Variants in C11orf65 observed in about 807,000 individuals in gnomAD.
C11orf65 encodes chromosome 11 open reading frame 65.
Under a neutral mutation model 35.3 loss-of-function variants are expected in C11orf65, and 38 were observed. The ratio of observed to expected loss-of-function variants is 1.08; its 90% CI spans 0.83 to 1.41. The LOEUF (loss-of-function observed/expected upper bound fraction) is 1.41, where lower values mean the gene tolerates loss of function less well. Among genes scored for constraint, C11orf65 ranks in the 40% most tolerant of loss-of-function variants. C11orf65 has a pLI of 0.00. For missense variants in C11orf65, 370 were observed against 367.1 expected (o/e 1.01, Z -0.06); for synonymous variants, 105 against 114.4 (o/e 0.92, Z 0.53).
At chr11:108,459,216 C>A (rs2093442163) in intron 2 of C11orf65, among the ~76,000 whole-genome samples, 1 of 152,118 alleles carries the variant, frequency 6.6e-6, no homozygotes, top group Non-Finnish European at 1.5e-5. Context: ...AACTAGCTTT[C>A]TCAGATAGTT....
At chr11:108,347,583 C>T (rs1224022649) in intron 2 of C11orf65, among the ~76,000 whole-genome samples, 2 of 152,104 alleles carry the variant, frequency 1.3e-5, no homozygotes, top group African/African-American at 4.8e-5. Context: ...GTCTTTTGAG[C>T]CTGGTCTTCA....
At chr11:108,449,052 A>G (rs1252402614) in intron 2 of C11orf65, among the ~76,000 whole-genome samples, 1 of 152,192 alleles carries the variant, frequency 6.6e-6, no homozygotes, top group Non-Finnish European at 1.5e-5. Context: ...AAAGAGAATA[A>G]AATACCTGGG....
rs56172540 is a variant in C11orf65, at chr11:108,353,744, T to G, written c.227-18452A>C. ...TAAATTAGCTGTCAAACCTCCTAACTTCACTGTATTCTTTACTTTAGGTGT... is the reference window on the plus strand; with the variant it reads ...TAAATTAGCTGTCAAACCTCCTAACGTCACTGTATTCTTTACTTTAGGTGT... On this transcript the variant is annotated intron_variant, in intron 2 of 3. Coordinates refer to the C11orf65 transcript ENST00000524755. 2.8e-5 allele frequency: 44 copies of G among 1,563,302 alleles called. 1 individual carries two copies. Among genetic ancestry groups the G allele is most frequent in the East Asian group, 2.7e-4 (12 of 44,620 alleles).
At chr11:108,379,193 C>A (rs2091807983), downstream of C11orf65, among the ~76,000 whole-genome samples, 1 of 152,080 alleles carries the variant, frequency 6.6e-6, no homozygotes, top group African/African-American at 2.4e-5. Context: ...TTTATTGCCG[C>A]ACTATTCACA....
chr11:108,364,787 A>G (rs2091159192), intron 2 of C11orf65, among the ~76,000 whole-genome samples: 1 of 152,198 alleles, frequency 6.6e-6, no homozygotes, highest in Non-Finnish European at 1.5e-5. Flanking sequence ...GTAGAGAGAG[A>G]AGGAAAGAAA....
intron 2 of C11orf65, among the ~76,000 whole-genome samples, chr11:108,370,616 TGTTTTG>T (rs2091540241): frequency 1.3e-5 from 2 of 150,330 alleles, no homozygotes; most frequent in South Asian, 2.1e-4. Context: ...TGCAGGGTTT[TGTTTTG>T]TTTTTTTTTA....
At chr11:108,346,332 A>G (rs1419654464) in intron 2 of C11orf65, among the ~76,000 whole-genome samples, 1 of 152,042 alleles carries the variant, frequency 6.6e-6, no homozygotes, top group Non-Finnish European at 1.5e-5. Flanking sequence ...TTTTAATAGA[A>G]TTTTGTTTTC....
At chr11:108,312,518 T>A in intron 6 of C11orf65, 3 of 1,474,088 alleles carry the variant, frequency 2.0e-6, no homozygotes, top group Non-Finnish European at 2.8e-6. Flanking sequence ...AGAGGCTCTA[T>A]TATTTATGAC....
chr11:108,378,037 G>A (rs868585303), downstream of C11orf65, among the ~76,000 whole-genome samples: 936 of 150,348 alleles, frequency 6.2e-3, 9 homozygotes, highest in African/African-American at 0.02. Context: ...AATCAATATC[G>A]TGAAAATGGC....
At chr11:108,364,965 C>A (rs2091178014) in intron 2 of C11orf65, 3 of 1,156,030 alleles carry the variant, frequency 2.6e-6, no homozygotes, top group Admixed American at 2.0e-5. Flanking sequence ...ATGTTTGTTC[C>A]CCTCCCCCAT....
chr11:108,448,875 C>T lies in C11orf65; in HGVS notation c.81+12604G>A, dbSNP rs192509209. Among the ~76,000 whole-genome samples the T allele has an allele frequency of 1.1e-4, 17 of 152,244 alleles. No homozygotes were observed. The East Asian group carries it at 1.9e-3, about 17-fold the overall frequency. On this transcript the variant is annotated intron_variant, in intron 2 of 8. Coordinates refer to ENST00000393084, the MANE Select transcript of C11orf65 (RefSeq NM_152587.5). ...GTTTGCAGACGACATGATTGTATAT[C>T]TAGAAAACCCCATCATTTCAGCCCA...
At chr11:108,333,224 G>C (rs2086472779) in intron 3 of C11orf65, among the ~76,000 whole-genome samples, 1 of 152,034 alleles carries the variant, frequency 6.6e-6, no homozygotes, top group African/African-American at 2.4e-5. Context: ...AGCCTCAAAA[G>C]TTTTTTTAAA....
chr11:108,373,749 G>A (rs2091636809), intron 2 of C11orf65, among the ~76,000 whole-genome samples: 1 of 152,230 alleles, frequency 6.6e-6, no homozygotes. Context: ...AGCGCAAGGG[G>A]TCCGGGAGTT....
chr11:108,436,341 A>G (rs2093060026), intron 2 of C11orf65, among the ~76,000 whole-genome samples: 1 of 150,138 alleles, frequency 6.7e-6, no homozygotes, highest in Non-Finnish European at 1.5e-5. Context: ...CAATTTTTAC[A>G]GTAGCATTAG....
intron 6 of C11orf65, 81 bp from the exon 7 acceptor site, chr11:108,393,459 T>G (rs2092219050): frequency 7.8e-7 from 1 of 1,286,648 alleles, no homozygotes; most frequent in Non-Finnish European, 1.1e-6. Flanking sequence ...ATATTGTTGC[T>G]ATTTACATAT....
intron 1 of C11orf65, 150 bp from the exon 2 acceptor site, chr11:108,461,718 G>C: frequency 1.8e-6 from 1 of 544,988 alleles, no homozygotes; most frequent in Non-Finnish European, 3.2e-6. Flanking sequence ...GCCTCAAACT[G>C]CTGGGCTCAA....
intron 6 of C11orf65, among the ~76,000 whole-genome samples, chr11:108,323,745 T>C (rs4988100): frequency 0.026 from 3,956 of 152,272 alleles, 183 homozygotes; most frequent in African/African-American, 0.09. Flanking sequence ...TCTGGCTGTT[T>C]CTTTGGTAGA....
intron 2 of C11orf65, among the ~76,000 whole-genome samples, chr11:108,442,321 T>C (rs1044668589): frequency 6.6e-5 from 10 of 152,276 alleles, no homozygotes; most frequent in Admixed American, 1.3e-4. Flanking sequence ...AATGTGGGAC[T>C]ATGTGAAAAG....
upstream of C11orf65, among the ~76,000 whole-genome samples, chr11:108,469,066 A>G (rs887736154): frequency 6.6e-6 from 1 of 151,846 alleles, no homozygotes; most frequent in Non-Finnish European, 1.5e-5. Context: ...GGATGGTCTC[A>G]ATCTCCTGGT....
Sources: gnomAD v4.1 joint callset for allele counts (sites outside exome capture counted in the v4.1 genomes callset) on GRCh38, gnomAD v4.1.1 for gene constraint, MANE v1.5 for transcripts, NCBI Gene and HGNC (gene_info 2026-07-23, HGNC 2026-07-21) for gene names.